ATP8A1: variants seen among roughly 807,000 people sequenced by gnomAD.
ATP8A1 encodes ATPase phospholipid transporting 8A1.
ATP8A1 carries 90 observed loss-of-function variants against 177.7 expected under a neutral mutation model. The ratio of observed to expected loss-of-function variants is 0.51; its 90% CI spans 0.43 to 0.60. ATP8A1 has a LOEUF of 0.60. Ranked by LOEUF, ATP8A1 falls within the 20% of genes least tolerant of loss-of-function variation. The pLI is 0.00. For missense variants in ATP8A1, 1,072 were observed against 1,392.8 expected (o/e 0.77, Z 3.67); for synonymous variants, 493 against 485.9 (o/e 1.01, Z -0.19).
chr4:42,427,587 C>T (rs1714767720), intron 33 of ATP8A1, among the ~76,000 whole-genome samples: 2 of 152,234 alleles, frequency 1.3e-5, no homozygotes, highest in Admixed American at 6.5e-5. Context: ...TGCACCAACA[C>T]CACAAACATT....
chr4:42,423,255 G>A (rs1479855662), intron 34 of ATP8A1, among the ~76,000 whole-genome samples: 4 of 151,696 alleles, frequency 2.6e-5, no homozygotes, highest in Non-Finnish European at 5.9e-5. Context: ...TTTTATATAT[G>A]TTTGGAATCA....
chr4:42,472,174 G>T, intron 25 of ATP8A1: 1 of 613,210 alleles, frequency 1.6e-6, no homozygotes, highest in South Asian at 1.4e-5. Flanking sequence ...AGCTGTATAT[G>T]ACACAATTCT....
chr4:42,534,595 T>C (rs930231862), intron 20 of ATP8A1, among the ~76,000 whole-genome samples: 9 of 152,158 alleles, frequency 5.9e-5, no homozygotes, highest in African/African-American at 1.7e-4. Context: ...TTTGAAGGAA[T>C]CATCGAGGAA....
intron 18 of ATP8A1, 79 bp from the exon 19 acceptor site, chr4:42,549,141 T>G: frequency 8.2e-7 from 1 of 1,218,574 alleles, no homozygotes; most frequent in Non-Finnish European, 1.2e-6. Flanking sequence ...AGCCATAAAA[T>G]TTTACTGTAA....
intron 23 of ATP8A1, among the ~76,000 whole-genome samples, chr4:42,504,497 T>C (rs1724169422): frequency 6.6e-6 from 1 of 152,248 alleles, no homozygotes; most frequent in Non-Finnish European, 1.5e-5. Context: ...TCTACATCTA[T>C]CAGTCAATCT....
chr4:42,455,455 C>T, intron 28 of ATP8A1, 36 bp from the exon 29 acceptor site: 1 of 1,613,594 alleles, frequency 6.2e-7, no homozygotes, highest in South Asian at 1.1e-5. Flanking sequence ...GTCAAGCAGC[C>T]AAATGCAGGG....
chr4:42,480,961 A>G (rs1448654758), intron 25 of ATP8A1, among the ~76,000 whole-genome samples: 1 of 152,250 alleles, frequency 6.6e-6, no homozygotes, highest in Non-Finnish European at 1.5e-5. Flanking sequence ...GCTCTAAGCC[A>G]ATTTTCAACC....
At chr4:42,435,456 AAAAAAAAC>A (rs1560320575) in intron 33 of ATP8A1, among the ~76,000 whole-genome samples, 2 of 101,014 alleles carry the variant, frequency 2.0e-5, no homozygotes, top group African/African-American at 6.4e-5. Flanking sequence ...AAAACAAAAA[AAAAAAAAC>A]AAACTATCTC....
chr4:42,414,528 A>T, intron 36 of ATP8A1, 99 bp downstream of exon 36: 4 of 1,041,594 alleles, frequency 3.8e-6, no homozygotes, highest in Non-Finnish European at 5.8e-6. Flanking sequence ...TTTAGACATT[A>T]GTTTTAAATA....
intron 8 of ATP8A1, among the ~76,000 whole-genome samples, chr4:42,587,151 A>T (rs972531182): frequency 6.6e-6 from 1 of 152,238 alleles, no homozygotes; most frequent in African/African-American, 2.4e-5. Flanking sequence ...ATAGAAATGT[A>T]AACTATTCCC....
At chr4:42,552,192 G>C (rs185396033) in intron 17 of ATP8A1, among the ~76,000 whole-genome samples, 1 of 152,206 alleles carries the variant, frequency 6.6e-6, no homozygotes, top group Admixed American at 6.5e-5. Flanking sequence ...GCTTGACTAA[G>C]AGTTCTTAGG....
At chr4:42,595,021 C>A (rs28579651) in intron 6 of ATP8A1, among the ~76,000 whole-genome samples, 81,786 of 151,952 alleles carry the variant, frequency 0.54, 22,789 homozygotes, top group South Asian at 0.66. Flanking sequence ...TGATAGCAGT[C>A]ATTTAAGTGA....
intron 1 of ATP8A1, among the ~76,000 whole-genome samples, chr4:42,645,531 A>C (rs988289294): frequency 6.6e-6 from 1 of 152,240 alleles, no homozygotes; most frequent in African/African-American, 2.4e-5. Context: ...CCTATAGAAC[A>C]GACCAACTGA....
intron 6 of ATP8A1, among the ~76,000 whole-genome samples, chr4:42,598,353 T>C (rs755984462): frequency 2.6e-5 from 4 of 152,156 alleles, no homozygotes; most frequent in Non-Finnish European, 4.4e-5. Context: ...CACTATATTT[T>C]ATTCTATACT....
chr4:42,621,872 T>C (rs1192333850), intron 4 of ATP8A1, among the ~76,000 whole-genome samples: 1 of 152,136 alleles, frequency 6.6e-6, no homozygotes, highest in Non-Finnish European at 1.5e-5. Flanking sequence ...ATGGTACTAG[T>C]AGGAGAACAC....
At chr4:42,494,456 CAG>C (rs537562907) in intron 24 of ATP8A1, among the ~76,000 whole-genome samples, 3 of 152,178 alleles carry the variant, frequency 2.0e-5, no homozygotes, top group Non-Finnish European at 4.4e-5. Flanking sequence ...GACTGGGCGA[CAG>C]AGTGAGACTC....
intron 22 of ATP8A1, among the ~76,000 whole-genome samples, chr4:42,510,470 T>A (rs914555088): frequency 6.6e-6 from 1 of 152,110 alleles, no homozygotes; most frequent in Non-Finnish European, 1.5e-5. Flanking sequence ...CACATCCCAG[T>A]GAAGATCAGG....
chr4:42,645,945 A>AT (rs973836887), intron 1 of ATP8A1, among the ~76,000 whole-genome samples: 9 of 152,032 alleles, frequency 5.9e-5, no homozygotes, highest in Non-Finnish European at 1.5e-5. Flanking sequence ...AAAAAAAAAA[A>AT]GTAGAGTGAG....
intron 19 of ATP8A1, 148 bp downstream of exon 19, chr4:42,548,865 A>C: frequency 1.6e-6 from 1 of 632,518 alleles, no homozygotes; most frequent in Non-Finnish European, 2.7e-6. Context: ...GAGAATAAAA[A>C]ATGTACTAAA....
Sources: gnomAD v4.1 joint callset for allele counts (sites outside exome capture counted in the v4.1 genomes callset) on GRCh38, gnomAD v4.1.1 for gene constraint, MANE v1.5 for transcripts, NCBI Gene and HGNC (gene_info 2026-07-23, HGNC 2026-07-21) for gene names.